The following AGAP1 variants were observed in gnomAD, a reference collection of about 807,000 sequenced individuals.
The protein encoded by AGAP1 is arf-GAP with GTPase, ANK repeat and PH domain-containing protein 1.
In AGAP1, 29 loss-of-function variants were observed where a neutral mutation model predicts 105.3. That is an observed-to-expected ratio of 0.28 (90% CI 0.21 to 0.38). The LOEUF (loss-of-function observed/expected upper bound fraction) is 0.38. AGAP1 is among the 10% of genes least tolerant of loss of function. The pLI, the probability that AGAP1 is intolerant of heterozygous loss-of-function variation, is 1.00. For missense variants in AGAP1, 998 were observed against 1,165.1 expected (o/e 0.86, Z 2.09); for synonymous variants, 509 against 485.9 (o/e 1.05, Z -0.63).
chr2:235,956,103 C>T (rs993417912), intron 12 of AGAP1, among the ~76,000 whole-genome samples: 7 of 152,168 alleles, frequency 4.6e-5, no homozygotes, highest in African/African-American at 7.2e-5. Flanking sequence ...CACCCTCACA[C>T]GTGAAACAGA....
rs1489230220 is a variant in AGAP1 at position 235,970,207 on chromosome 2, A to T, written c.1645+1584A>T. Among the ~76,000 whole-genome samples, 6 of 27,698 alleles carry T rather than the reference A, an allele frequency of 2.2e-4. No homozygotes were observed. The highest frequency in any genetic ancestry group is 4.0e-4 in the Non-Finnish European group (5 of 12,612). The allele number at this position is 27,698 out of a possible 152,430, so 18.2% of individuals were successfully genotyped here. ...GGCGACAGAGTGAGACTCTGTCTTT[A>T]AAAAAAAAAAAAAAAAAAAAAGACG... On this transcript the variant is annotated intron_variant, in intron 13 of 17. Coordinates refer to ENST00000304032, the MANE Select transcript of AGAP1 (RefSeq NM_001037131.3). This position sits in a 1 kb window ranked among gnomAD's most constrained non-coding sequence, Gnocchi z 5.4.
chr2:235,864,502 C>T lies in AGAP1; in HGVS notation c.1051-18843C>T, dbSNP rs1254251187. On this transcript the variant is annotated intron_variant, in intron 9 of 17. Coordinates refer to ENST00000304032, the MANE Select transcript of AGAP1 (RefSeq NM_001037131.3). This position sits in a 1 kb window ranked among gnomAD's most constrained non-coding sequence, Gnocchi z 5.0. The stretch of plus-strand genomic sequence containing the variant: ...GGTGGGCGGCCGGAAGGTGGTTGAG[C>T]GTTTCCGCTCCACTGCGCGGCCCCG... Among the ~76,000 whole-genome samples, 2 of 152,164 alleles carry T rather than the reference C, an allele frequency of 1.3e-5. No homozygotes were observed. The highest frequency in any genetic ancestry group is 2.9e-5 in the Non-Finnish European group (2 of 68,038).
In AGAP1 at chr2:235,872,658, G is replaced by T. The variant is rs1214603506; in HGVS notation, c.1051-10687G>T. Among the ~76,000 whole-genome samples, 2 of 152,192 alleles carry T rather than the reference G, an allele frequency of 1.3e-5. No homozygotes were observed. Among genetic ancestry groups the T allele is most frequent in the African/African-American group, 4.8e-5 (2 of 41,456 alleles). On this transcript the variant is annotated intron_variant, in intron 9 of 17. Coordinates refer to ENST00000304032, the MANE Select transcript of AGAP1 (RefSeq NM_001037131.3). The surrounding 1 kb of genome is among the most constrained non-coding windows in gnomAD (Gnocchi z 4.5). ...TTTCTTGGTCCTTAGAGTAGGAAGT[G>T]TGAAAGTTCGGACTGATTGAACATA...
intron 1 of AGAP1, among the ~76,000 whole-genome samples, chr2:235,521,949 C>T (rs1051830736): frequency 1.3e-5 from 2 of 152,028 alleles, no homozygotes; most frequent in Admixed American, 6.6e-5. Context: ...AGTGTGCCAC[C>T]AGCAATATAC....
In AGAP1 at chr2:235,936,378, T is replaced by C. The variant is rs1347492911; in HGVS notation, c.1483+5455T>C. Reference sequence around the variant, plus strand: ...CATTATATCTTTCCAGTAGACTCTGTGGTTATAAAGCAGCCGATCCTCAAT... The same window carrying C: ...CATTATATCTTTCCAGTAGACTCTGCGGTTATAAAGCAGCCGATCCTCAAT... On this transcript the variant is annotated intron_variant, in intron 12 of 17. Coordinates refer to ENST00000304032, the MANE Select transcript of AGAP1 (RefSeq NM_001037131.3). This position sits in a 1 kb window ranked among gnomAD's most constrained non-coding sequence, Gnocchi z 4.7. Among the ~76,000 whole-genome samples the C allele has an allele frequency of 6.6e-6, 1 of 152,192 alleles. No individual in the cohort carries two copies. The highest frequency in any genetic ancestry group is 2.4e-5 in the African/African-American group (1 of 41,440).
At chr2:235,972,427 G>A (rs1004633273) in intron 13 of AGAP1, among the ~76,000 whole-genome samples, 2 of 152,168 alleles carry the variant, frequency 1.3e-5, no homozygotes, top group Non-Finnish European at 2.9e-5. Flanking sequence ...GGGGCTCCCC[G>A]GCTGGTTCGC....
chr2:235,944,042 GA>G (rs1253206255), intron 12 of AGAP1, among the ~76,000 whole-genome samples: 14 of 152,102 alleles, frequency 9.2e-5, no homozygotes, highest in Admixed American at 8.5e-4. Flanking sequence ...TTTTATATGA[GA>G]AGAAACATTT....
rs1227170198 is a variant in AGAP1 at position 235,982,503 on chromosome 2, A to G, written c.1645+13880A>G. On this transcript the variant is annotated intron_variant, in intron 13 of 17. Coordinates refer to ENST00000304032, the MANE Select transcript of AGAP1 (RefSeq NM_001037131.3). The surrounding 1 kb of genome is among the most constrained non-coding windows in gnomAD (Gnocchi z 4.9). ...TGTGGGGTGTTGGTTTGAAGAACTC[A>G]TAAATGGTAAAAGTAACCTGTATTA... Among the ~76,000 whole-genome samples the G allele has an allele frequency of 1.3e-5, 2 of 152,240 alleles. No homozygotes were observed. Among genetic ancestry groups the G allele is most frequent in the East Asian group, 3.8e-4 (2 of 5,202 alleles).
Position 235,599,689 on chromosome 2 carries a change from C to T in AGAP1, c.163+104840C>T, listed in dbSNP as rs1028517519. Among the ~76,000 whole-genome samples the T allele has an allele frequency of 2.0e-5, 3 of 152,100 alleles. No individual in the cohort carries two copies. The highest frequency in any genetic ancestry group is 4.8e-5 in the African/African-American group (2 of 41,402). ...CAGAGGAATCCTGCAGTCCACTTGCCCAGCGTCACTTCCTCCAGTGCCCTT... is the reference window on the plus strand; with the variant it reads ...CAGAGGAATCCTGCAGTCCACTTGCTCAGCGTCACTTCCTCCAGTGCCCTT... On this transcript the variant is annotated intron_variant, in intron 1 of 17. Coordinates refer to ENST00000304032, the MANE Select transcript of AGAP1 (RefSeq NM_001037131.3). This position sits in a 1 kb window ranked among gnomAD's most constrained non-coding sequence, Gnocchi z 5.3.
Position 235,692,973 on chromosome 2 carries a change from A to G in AGAP1, c.164-16206A>G, listed in dbSNP as rs1466326710. Among the ~76,000 whole-genome samples, 1 of 151,084 alleles carries G rather than the reference A, an allele frequency of 6.6e-6. No homozygotes were observed. Among genetic ancestry groups the G allele is most frequent in the Non-Finnish European group, 1.5e-5 (1 of 67,748 alleles). ...GGCAGGTACTGTGCATGGGAGAGGGAGTGTGGCCTGCAGGCCAGTGGCTGA... is the reference window on the plus strand; with the variant it reads ...GGCAGGTACTGTGCATGGGAGAGGGGGTGTGGCCTGCAGGCCAGTGGCTGA... On this transcript the variant is annotated intron_variant, in intron 1 of 17. Coordinates refer to ENST00000304032, the MANE Select transcript of AGAP1 (RefSeq NM_001037131.3). The surrounding 1 kb of genome is among the most constrained non-coding windows in gnomAD (Gnocchi z 5.8).
intron 9 of AGAP1, among the ~76,000 whole-genome samples, chr2:235,834,766 G>A (rs567483555): frequency 1.6e-4 from 24 of 152,160 alleles, no homozygotes; most frequent in Non-Finnish European, 2.8e-4. Context: ...ACAGGCATCC[G>A]GAGAAAGGTG....
chr2:235,562,601 T>C (rs2149138744), intron 1 of AGAP1, among the ~76,000 whole-genome samples: 1 of 152,268 alleles, frequency 6.6e-6, no homozygotes, highest in Middle Eastern at 3.4e-3. Flanking sequence ...CTCTGAGTCC[T>C]TCACAAAACC....
chr2:236,014,913 C>G lies in AGAP1; in HGVS notation c.1646-21648C>G, dbSNP rs775157845. On this transcript the variant is annotated intron_variant, in intron 13 of 17. Coordinates refer to ENST00000304032, the MANE Select transcript of AGAP1 (RefSeq NM_001037131.3). The surrounding 1 kb of genome is among the most constrained non-coding windows in gnomAD (Gnocchi z 6.3). ...TCCGCACCTCCACCCGCCCACACCTCCACCTGCCTCTTCCCCTCTCATCCC... is the reference window on the plus strand; with the variant it reads ...TCCGCACCTCCACCCGCCCACACCTGCACCTGCCTCTTCCCCTCTCATCCC... The G allele has an allele frequency of 2.7e-6, 1 of 375,692 alleles. No homozygotes were observed. Among genetic ancestry groups the G allele is most frequent in the African/African-American group, 2.2e-5 (1 of 46,296 alleles). The allele number at this position is 375,692 out of a possible 1,614,324, so 23.3% of individuals were successfully genotyped here.
Position 235,535,314 on chromosome 2 carries a change from C to T in AGAP1, c.163+40465C>T, listed in dbSNP as rs1238892048. ...GGGCGTGCGAACTTCCAGGTAGAGC[C>T]GAGTTCAAGAAAATGAAGTACTGCA... On this transcript the variant is annotated intron_variant, in intron 1 of 17. Coordinates refer to ENST00000304032, the MANE Select transcript of AGAP1 (RefSeq NM_001037131.3). This position sits in a 1 kb window ranked among gnomAD's most constrained non-coding sequence, Gnocchi z 5.1. 6.6e-6 allele frequency among the ~76,000 whole-genome samples: 1 copy of T among 152,002 alleles called. No homozygotes were observed. The highest frequency in any genetic ancestry group is 2.1e-4 in the South Asian group (1 of 4,806).
chr2:235,896,166 T>C (rs996484897), intron 10 of AGAP1, among the ~76,000 whole-genome samples: 2 of 152,224 alleles, frequency 1.3e-5, no homozygotes, highest in African/African-American at 2.4e-5. Context: ...TGAATTTGTC[T>C]GCTCTAGGAA....
At chr2:235,764,047 C>T (rs57684894) in intron 6 of AGAP1, among the ~76,000 whole-genome samples, 3 of 104,092 alleles carry the variant, frequency 2.9e-5, no homozygotes, top group African/African-American at 4.4e-5. Context: ...GTGCGTGGCT[C>T]CGGCCCGTGT....
intron 13 of AGAP1, among the ~76,000 whole-genome samples, chr2:236,026,879 C>G (rs1266015203): frequency 1.3e-5 from 2 of 152,336 alleles, no homozygotes; most frequent in East Asian, 3.9e-4. Context: ...CTTCCAGCCC[C>G]TATGCCGTCT....
chr2:236,010,579 A>G (rs940757951), intron 13 of AGAP1, among the ~76,000 whole-genome samples: 2 of 152,240 alleles, frequency 1.3e-5, no homozygotes, highest in Non-Finnish European at 2.9e-5. Flanking sequence ...AGACGCAGAA[A>G]GTCCATACAT....
chr2:235,876,535 C>T (rs2049737087), intron 9 of AGAP1, among the ~76,000 whole-genome samples: 1 of 152,210 alleles, frequency 6.6e-6, no homozygotes, highest in East Asian at 1.9e-4. Context: ...GCCTGGCCGC[C>T]TTGCCTGCCT....
Sources: gnomAD v4.1 joint callset for allele counts (sites outside exome capture counted in the v4.1 genomes callset) on GRCh38, gnomAD v4.1.1 for gene constraint, Gnocchi (gnomAD v3.1) non-coding constraint, MANE v1.5 for transcripts, NCBI Gene and HGNC (gene_info 2026-07-23, HGNC 2026-07-21) for gene names.